The following SYNDIG1 variants were observed in gnomAD, a reference collection of about 807,000 sequenced individuals.
SYNDIG1 encodes the protein synapse differentiation-inducing gene protein 1.
In SYNDIG1, 9 loss-of-function variants were observed where a neutral mutation model predicts 19.4. The ratio of observed to expected loss-of-function variants is 0.46; its 90% CI spans 0.28 to 0.81. The LOEUF is 0.81. Ranked by LOEUF, SYNDIG1 falls within the 30% of genes least tolerant of loss-of-function variation. SYNDIG1 has a pLI of 0.12. For synonymous variants in SYNDIG1, 141 were observed against 145.9 expected (o/e 0.97, Z 0.24); for missense variants, 311 against 343.3 (o/e 0.91, Z 0.74).
intron 1 of SYNDIG1, chr20:24,495,743 G>C (rs934697235): frequency 2.0e-5 from 3 of 152,256 alleles, no homozygotes; most frequent in Non-Finnish European, 4.4e-5. Flanking sequence ...ACTCACATGG[G>C]ATCACATTGG....
rs573662179 is a variant in SYNDIG1 at position 24,557,785 on chromosome 20, C to T, written c.480+14208C>T. On this transcript the variant is annotated intron_variant, in intron 2 of 3. Transcript: ENST00000376862. Reference sequence around the variant, plus strand: ...GGGACCCACTTGAGGAGTCAGTCTGCCCGTTCTCAGATCTCCAGCCGCATG... The same window carrying T: ...GGGACCCACTTGAGGAGTCAGTCTGTCCGTTCTCAGATCTCCAGCCGCATG... Among the ~76,000 whole-genome samples, 6 of 152,292 alleles carry T rather than the reference C, an allele frequency of 3.9e-5. No homozygotes were observed. In the South Asian group the frequency reaches 8.3e-4, roughly 21 times the overall value.
chr20:24,525,968 T>C (rs2057115351), intron 1 of SYNDIG1, among the ~76,000 whole-genome samples: 1 of 152,222 alleles, frequency 6.6e-6, no homozygotes, highest in Non-Finnish European at 1.5e-5. Flanking sequence ...TCTGTGTAAC[T>C]ATGTTACTAT....
chr20:24,520,299 C>A (rs2056977140), intron 1 of SYNDIG1, among the ~76,000 whole-genome samples: 1 of 151,276 alleles, frequency 6.6e-6, no homozygotes, highest in African/African-American at 2.4e-5. Flanking sequence ...AAAATAAAGC[C>A]AACAATAGTA....
intron 1 of SYNDIG1, among the ~76,000 whole-genome samples, chr20:24,537,003 G>C (rs1300532214): frequency 6.6e-6 from 1 of 152,080 alleles, no homozygotes; most frequent in East Asian, 1.9e-4. Flanking sequence ...GCTTCTCCTT[G>C]TACCCATTCC....
In SYNDIG1 at chr20:24,535,770, TG is replaced by T. The variant is rs1327213131; in HGVS notation, c.-78-7249del. Among the ~76,000 whole-genome samples the T allele has an allele frequency of 2.0e-5, 3 of 152,338 alleles. No homozygotes were observed. In the East Asian group the frequency reaches 5.8e-4, roughly 29 times the overall value. ...CAGAAGTGTTTTTTGTGTAAAATGC[TG>T]TGGGTTTTGTAGTCTTGTTATTAAG... On this transcript the variant is annotated intron_variant, in intron 1 of 3. Transcript: ENST00000376862.
intron 2 of SYNDIG1, among the ~76,000 whole-genome samples, chr20:24,556,129 C>T (rs527306254): frequency 6.0e-4 from 91 of 152,010 alleles, no homozygotes; most frequent in African/African-American, 2.1e-3. Context: ...GATTGCAACC[C>T]CTGCCTTTTT....
At chr20:24,617,266 G>T (rs973938742) in intron 3 of SYNDIG1, among the ~76,000 whole-genome samples, 1 of 151,824 alleles carries the variant, frequency 6.6e-6, no homozygotes, top group Non-Finnish European at 1.5e-5. Context: ...CTCCTGGCCC[G>T]CATCCTTCCT....
chr20:24,639,497 G>A (rs565851794), intron 3 of SYNDIG1, among the ~76,000 whole-genome samples: 9 of 152,210 alleles, frequency 5.9e-5, no homozygotes, highest in African/African-American at 1.7e-4. Context: ...GAGACAGCCT[G>A]CTGTCCCTGC....
At chr20:24,501,970 A>C (rs1239935322) in intron 1 of SYNDIG1, among the ~76,000 whole-genome samples, 1 of 152,200 alleles carries the variant, frequency 6.6e-6, no homozygotes, top group Admixed American at 6.5e-5. Context: ...GGGCAAGCTA[A>C]GGGCCGAGAA....
At chr20:24,512,141 A>G (rs2056758982) in intron 1 of SYNDIG1, among the ~76,000 whole-genome samples, 1 of 132,820 alleles carries the variant, frequency 7.5e-6, no homozygotes, top group Admixed American at 7.8e-5. Context: ...ATATATATAT[A>G]TATATATATA....
intron 3 of SYNDIG1, among the ~76,000 whole-genome samples, chr20:24,637,178 C>T (rs559290258): frequency 6.0e-4 from 92 of 152,348 alleles, no homozygotes; most frequent in Non-Finnish European, 1.0e-3. Flanking sequence ...TGGTACAGCT[C>T]CTACAGAATC....
chr20:24,521,237 C>T (rs1399175516), intron 1 of SYNDIG1, among the ~76,000 whole-genome samples: 1 of 152,162 alleles, frequency 6.6e-6, no homozygotes, highest in African/African-American at 2.4e-5. Flanking sequence ...TTTCATTGTT[C>T]CCACCTTCTG....
chr20:24,550,657 C>A (rs148428259), intron 2 of SYNDIG1, among the ~76,000 whole-genome samples: 2 of 151,958 alleles, frequency 1.3e-5, no homozygotes, highest in Non-Finnish European at 2.9e-5. Context: ...TACAGGCGCC[C>A]GCCACCATGC....
chr20:24,537,310 T>C (rs2146677852), intron 1 of SYNDIG1, among the ~76,000 whole-genome samples: 1 of 152,342 alleles, frequency 6.6e-6, no homozygotes, highest in South Asian at 2.1e-4. Flanking sequence ...CATGCACCCA[T>C]CAACCAACTT....
chr20:24,538,147 AAGTGTAC>A (rs2057399155), intron 1 of SYNDIG1, among the ~76,000 whole-genome samples: 1 of 152,182 alleles, frequency 6.6e-6, no homozygotes, highest in South Asian at 2.1e-4. Context: ...AACAATTTTT[AAGTGTAC>A]AGTTCGGTGG....
In SYNDIG1 at chr20:24,513,982, A is replaced by G. The variant is rs1006950192; in HGVS notation, c.-78-29038A>G. Among the ~76,000 whole-genome samples, 3 of 152,376 alleles carry G rather than the reference A, an allele frequency of 2.0e-5. No individual in the cohort carries two copies. The South Asian group carries it at 6.2e-4, about 32-fold the overall frequency. On this transcript the variant is annotated intron_variant, in intron 1 of 3. Coordinates refer to ENST00000376862, the MANE Select transcript of SYNDIG1 (RefSeq NM_024893.3). ...GGGGGCCAATATTCAACATTCTTTA[A>G]GAAAAGAATTTTCAACCCAGAATTT...
At chr20:24,591,171 G>A (rs1314519231) in intron 3 of SYNDIG1, among the ~76,000 whole-genome samples, 1 of 151,806 alleles carries the variant, frequency 6.6e-6, no homozygotes, top group African/African-American at 2.4e-5. Flanking sequence ...TATTTGGGAG[G>A]CCTAGGGAGA....
intron 1 of SYNDIG1, among the ~76,000 whole-genome samples, chr20:24,485,600 CTTT>C (rs1053273441): frequency 1.3e-5 from 2 of 152,142 alleles, no homozygotes; most frequent in East Asian, 3.8e-4. Flanking sequence ...TGCCTTACTT[CTTT>C]TTTTCTTTAT....
intron 3 of SYNDIG1, among the ~76,000 whole-genome samples, chr20:24,593,411 T>A (rs2058544052): frequency 6.6e-6 from 1 of 152,240 alleles, no homozygotes; most frequent in Non-Finnish European, 1.5e-5. Flanking sequence ...TTCCATGGTG[T>A]ACATGTACCA....
Sources: allele counts gnomAD v4.1 joint callset (sites outside exome capture counted in the v4.1 genomes callset), GRCh38; gene constraint gnomAD v4.1.1; transcripts MANE v1.5; gene names NCBI Gene and HGNC (gene_info 2026-07-23, HGNC 2026-07-21).